The following MAP4K4 variants were observed in gnomAD, a reference collection of about 807,000 sequenced individuals.
The protein encoded by MAP4K4 is mitogen-activated protein kinase kinase kinase kinase 4.
MAP4K4 carries 38 observed loss-of-function variants against 189.6 expected under a neutral mutation model. The observed-to-expected ratio is 0.20, with a 90% CI of 0.15 to 0.26. The LOEUF (loss-of-function observed/expected upper bound fraction) is 0.26, where lower values mean the gene tolerates loss of function less well. MAP4K4 is among the 10% of genes least tolerant of loss of function. The pLI is 1.00. For missense variants in MAP4K4, 1,054 were observed against 1,726.9 expected (o/e 0.61, Z 6.91); for synonymous variants, 610 against 624.3 (o/e 0.98, Z 0.34).
chr2:101,870,295 G>A, exon 23 of MAP4K4: 4 of 1,612,364 alleles, frequency 2.5e-6, no homozygotes, highest in Non-Finnish European at 3.4e-6. Flanking sequence ...TTCTCCATAG[G>A]TCATCTCTGA....
rs994988133 is a variant in MAP4K4 at position 101,698,346 on chromosome 2, G to T, written c.58-127G>T. The T allele has an allele frequency of 2.3e-5, 21 of 928,910 alleles. No homozygotes were observed. In the African/African-American group the frequency reaches 3.4e-4, roughly 15 times the overall value. The allele number at this position is 928,910 out of a possible 1,614,324, so 57.5% of individuals were successfully genotyped here. ...CGAGCCCGCCGCGCGACCCCCGGGC[G>T]CTGGGGGACCGCGCGGGGCGAAGCC... On this transcript the variant is annotated intron_variant, in intron 1 of 32. Coordinates refer to ENST00000324219, the Ensembl canonical transcript of MAP4K4.
intron 12 of MAP4K4, among the ~76,000 whole-genome samples, chr2:101,845,473 G>T (rs995478848): frequency 6.6e-6 from 1 of 152,182 alleles, no homozygotes; most frequent in African/African-American, 2.4e-5. Flanking sequence ...ATCATAGAGT[G>T]TACCTACACA....
chr2:101,722,263 A>T (rs1574241912), intron 2 of MAP4K4, among the ~76,000 whole-genome samples: 1 of 152,220 alleles, frequency 6.6e-6, no homozygotes, highest in South Asian at 2.1e-4. Context: ...TCGTAACCTC[A>T]TGGATTATTC....
chr2:101,831,665 A>G (rs1035426013), intron 6 of MAP4K4, 56 bp from the exon 7 acceptor site: 14 of 1,543,774 alleles, frequency 9.1e-6, no homozygotes, highest in Non-Finnish European at 1.1e-5. Flanking sequence ...TCCCAAGTAT[A>G]TCTGGTTTGT....
chr2:101,736,468 C>T (rs543045027), intron 2 of MAP4K4, among the ~76,000 whole-genome samples: 2 of 152,276 alleles, frequency 1.3e-5, no homozygotes, highest in Admixed American at 1.3e-4. Context: ...CTCTTGCTGT[C>T]ATAGCACTTG....
At chr2:101,894,540 A>G (rs2098602529) in exon 33 of MAP4K4, 2 of 152,926 alleles carry the variant, frequency 1.3e-5, no homozygotes, top group African/African-American at 4.8e-5. Context: ...GACAAACTGC[A>G]TTAAATTTAC....
chr2:101,711,062 A>T (rs1172952844), intron 2 of MAP4K4, among the ~76,000 whole-genome samples: 2 of 152,110 alleles, frequency 1.3e-5, no homozygotes, highest in Non-Finnish European at 2.9e-5. Flanking sequence ...CAGGCTTCAG[A>T]TTGTCTTATG....
At chr2:101,870,124 T>C in intron 22 of MAP4K4, 171 bp from the exon 23 acceptor site, 1 of 692,118 alleles carries the variant, frequency 1.4e-6, no homozygotes, top group East Asian at 2.8e-5. Flanking sequence ...CAAATGGCAC[T>C]GGAAAGAAAT....
chr2:101,746,989 C>A (rs977317712), intron 2 of MAP4K4, among the ~76,000 whole-genome samples: 1 of 152,156 alleles, frequency 6.6e-6, no homozygotes, highest in Non-Finnish European at 1.5e-5. Flanking sequence ...TACTCTTTCG[C>A]TCAGATGCAG....
chr2:101,855,251 T>C (rs924770854), intron 12 of MAP4K4, among the ~76,000 whole-genome samples: 1 of 152,234 alleles, frequency 6.6e-6, no homozygotes, highest in African/African-American at 2.4e-5. Context: ...GTATGGGCCG[T>C]AGAGGCAGAG....
chr2:101,856,916 TTTA>T (rs1357450441), intron 13 of MAP4K4, among the ~76,000 whole-genome samples: 14 of 152,250 alleles, frequency 9.2e-5, no homozygotes, highest in Admixed American at 5.9e-4. Flanking sequence ...GCTGCCGTCC[TTTA>T]TGCTTATCAT....
intron 12 of MAP4K4, among the ~76,000 whole-genome samples, chr2:101,850,509 C>T (rs2097251754): frequency 6.6e-6 from 1 of 152,226 alleles, no homozygotes. Flanking sequence ...CATTTTCTCA[C>T]TCCTCCTTTC....
intron 6 of MAP4K4, among the ~76,000 whole-genome samples, chr2:101,830,561 T>C (rs2096566186): frequency 6.6e-6 from 1 of 152,250 alleles, no homozygotes; most frequent in African/African-American, 2.4e-5. Flanking sequence ...GCTGTTGTAC[T>C]GTAAAAGTAA....
chr2:101,749,795 A>G (rs1187242901), intron 2 of MAP4K4, among the ~76,000 whole-genome samples: 4 of 140,978 alleles, frequency 2.8e-5, no homozygotes, highest in East Asian at 2.0e-4. Flanking sequence ...ATCTACAATG[A>G]ACTCAAACAA....
intron 2 of MAP4K4, among the ~76,000 whole-genome samples, chr2:101,718,579 G>T (rs553871679): frequency 8.1e-6 from 1 of 123,138 alleles, no homozygotes; most frequent in South Asian, 3.4e-4. Context: ...GTGGGGGGGT[G>T]GGGGGGAGTG....
At chr2:101,747,366 G>A (rs1008087793) in intron 2 of MAP4K4, among the ~76,000 whole-genome samples, 1 of 152,040 alleles carries the variant, frequency 6.6e-6, no homozygotes, top group Non-Finnish European at 1.5e-5. Context: ...TGGTAGGCCC[G>A]CCTAGGCCTC....
At position 101,889,756 on chromosome 2, in the gene MAP4K4, C is replaced by A. The variant is rs79238918; in HGVS notation, c.4071+821C>A. Among the ~76,000 whole-genome samples the A allele has an allele frequency of 3.9e-5, 6 of 152,162 alleles. No individual in the cohort carries two copies. The East Asian group carries it at 1.2e-3, about 29-fold the overall frequency. ...GTTTCCACCTTTTGCGTCACATTGA[C>A]AGACTAGCAGTCAGCCCAGTTCTCA... On this transcript the variant is annotated intron_variant, in intron 32 of 32. Coordinates refer to ENST00000324219, the Ensembl canonical transcript of MAP4K4.
intron 2 of MAP4K4, among the ~76,000 whole-genome samples, chr2:101,760,033 A>G (rs1178365540): frequency 1.3e-5 from 2 of 151,846 alleles, no homozygotes; most frequent in South Asian, 2.1e-4. Flanking sequence ...TTTTGTAGAG[A>G]TGGGGTTTCA....
chr2:101,857,703 C>T (rs1168985954), intron 13 of MAP4K4, among the ~76,000 whole-genome samples: 12 of 152,102 alleles, frequency 7.9e-5, no homozygotes, highest in African/African-American at 2.9e-4. Context: ...TGACTAAGTC[C>T]GCCCCACCCC....
Sources: gnomAD v4.1 joint callset for allele counts (sites outside exome capture counted in the v4.1 genomes callset) on GRCh38, gnomAD v4.1.1 for gene constraint, MANE v1.5 for transcripts, NCBI Gene and HGNC (gene_info 2026-07-23, HGNC 2026-07-21) for gene names.